The following SPAG17 variants were observed in gnomAD, a reference collection of about 807,000 sequenced individuals.
SPAG17 encodes sperm associated antigen 17.
A neutral mutation model predicts 273.6 loss-of-function variants in SPAG17; 169 were observed. The ratio of observed to expected loss-of-function variants is 0.62; its 90% CI spans 0.55 to 0.70. The LOEUF is 0.70. SPAG17 is among the 30% of genes least tolerant of loss of function. The probability of loss-of-function intolerance (pLI) is 0.00; values close to 1 mark genes in which losing one functional copy is unlikely to be tolerated. For missense variants in SPAG17, 2,557 were observed against 2,627.8 expected, an observed-to-expected ratio of 0.97 and a Z score of 0.59; for synonymous variants, 825 against 873.2, an observed-to-expected ratio of 0.94 and a Z score of 0.97.
At chr1:118,003,052 C>A (rs1658484702) in intron 32 of SPAG17, among the ~76,000 whole-genome samples, 1 of 152,188 alleles carries the variant, frequency 6.6e-6, no homozygotes, top group African/African-American at 2.4e-5. Flanking sequence ...ATTTGCTTGT[C>A]TGTAAAGGAT....
chr1:118,114,210 G>A (rs977894450), intron 4 of SPAG17, among the ~76,000 whole-genome samples: 1 of 152,006 alleles, frequency 6.6e-6, no homozygotes, highest in African/African-American at 2.4e-5. Flanking sequence ...CCCCCAACAC[G>A]ATGGAAAGAG....
intron 39 of SPAG17, 37 bp from the exon 40 acceptor site, chr1:117,987,918 C>T (rs746590412): frequency 6.2e-7 from 1 of 1,609,072 alleles, no homozygotes; most frequent in South Asian, 1.1e-5. Context: ...TGAAAAGGGG[C>T]AATGATTTCA....
At chr1:117,970,150 CAT>C in intron 45 of SPAG17, 34 bp from the exon 46 acceptor site, 1 of 1,590,264 alleles carries the variant, frequency 6.3e-7, no homozygotes, top group South Asian at 1.1e-5. Context: ...AAATTTATGA[CAT>C]AATGAAACCC....
chr1:117,980,522 G>A lies in SPAG17; in HGVS notation c.6004+748C>T, dbSNP rs184182530. On this transcript the variant is annotated intron_variant, in intron 43 of 48. Transcript: ENST00000336338. ...GCTGGGATTACAGGCATGAGCCACA[G>A]TGCCTGGCCAGGTAAATCTTTTAAT... 9.8e-5 allele frequency among the ~76,000 whole-genome samples: 15 copies of A among 152,310 alleles called. No individual in the cohort carries two copies. The East Asian group carries it at 1.5e-3, about 16-fold the overall frequency.
chr1:118,015,588 GA>G (rs971278664), intron 29 of SPAG17, among the ~76,000 whole-genome samples: 4 of 152,078 alleles, frequency 2.6e-5, no homozygotes, highest in South Asian at 2.1e-4. Context: ...CTCACTTCCA[GA>G]AGATAAGACA....
At chr1:118,143,208 T>C (rs1177690059) in intron 3 of SPAG17, among the ~76,000 whole-genome samples, 1 of 152,236 alleles carries the variant, frequency 6.6e-6, no homozygotes, top group East Asian at 1.9e-4. Flanking sequence ...CTGAGAGATT[T>C]AAAGCTTAAT....
At chr1:118,080,866 G>A (rs1010694875) in intron 15 of SPAG17, among the ~76,000 whole-genome samples, 3 of 152,132 alleles carry the variant, frequency 2.0e-5, no homozygotes, top group Non-Finnish European at 4.4e-5. Flanking sequence ...TTTTAATGAT[G>A]TTTGCTGTGC....
intron 20 of SPAG17, among the ~76,000 whole-genome samples, chr1:118,045,142 A>C (rs1376377606): frequency 1.3e-5 from 2 of 152,210 alleles, no homozygotes; most frequent in Admixed American, 6.5e-5. Context: ...TTTGGTCATC[A>C]TTCCTGGCTA....
intron 13 of SPAG17, among the ~76,000 whole-genome samples, chr1:118,083,462 G>A (rs1347054269): frequency 6.6e-6 from 1 of 152,134 alleles, no homozygotes; most frequent in Non-Finnish European, 1.5e-5. Flanking sequence ...GTAGTGAGGA[G>A]TATGGTGGGA....
intron 3 of SPAG17, among the ~76,000 whole-genome samples, chr1:118,118,582 G>T (rs1273400352): frequency 6.6e-6 from 1 of 152,178 alleles, no homozygotes. Context: ...TTATTAAAAT[G>T]GAGAAAAATG....
chr1:117,970,495 G>C (rs977945088), intron 45 of SPAG17, among the ~76,000 whole-genome samples: 2 of 152,320 alleles, frequency 1.3e-5, no homozygotes, highest in African/African-American at 4.8e-5. Flanking sequence ...GGCTCTTTTG[G>C]AAGGCAGTGG....
chr1:118,099,269 AAC>A (rs1655908057), intron 6 of SPAG17, among the ~76,000 whole-genome samples: 1 of 152,194 alleles, frequency 6.6e-6, no homozygotes, highest in Non-Finnish European at 1.5e-5. Flanking sequence ...ACAGATTATT[AAC>A]AGTGATTCAT....
At chr1:117,975,291 C>G (rs1460030973) in intron 43 of SPAG17, among the ~76,000 whole-genome samples, 1 of 152,144 alleles carries the variant, frequency 6.6e-6, no homozygotes, top group Non-Finnish European at 1.5e-5. Flanking sequence ...AGCCAAATGC[C>G]CCTGGGCTAG....
intron 40 of SPAG17, among the ~76,000 whole-genome samples, chr1:117,987,106 T>C (rs1416166695): frequency 1.3e-5 from 2 of 152,172 alleles, no homozygotes; most frequent in Non-Finnish European, 2.9e-5. Context: ...AAACCTAGCA[T>C]AAAGACACTC....
intron 10 of SPAG17, among the ~76,000 whole-genome samples, chr1:118,088,924 T>C (rs1003383134): frequency 2.0e-5 from 3 of 152,196 alleles, no homozygotes; most frequent in African/African-American, 7.2e-5. Context: ...TCTTAGAATC[T>C]TCTGAATTTA....
At chr1:118,019,479 T>C (rs1283093230) in intron 28 of SPAG17, among the ~76,000 whole-genome samples, 2 of 151,212 alleles carry the variant, frequency 1.3e-5, no homozygotes, top group Admixed American at 1.3e-4. Context: ...AAAAAATAAA[T>C]AAAAGTTCAA....
Position 117,994,450 on chromosome 1 carries a change from G to A in SPAG17, c.5134C>T (p.Pro1712Ser), listed in dbSNP as rs747622919. 1.2e-6 allele frequency: 2 copies of A among 1,612,844 alleles called. No individual in the cohort carries two copies. The highest frequency in any genetic ancestry group is 4.5e-5 in the East Asian group (2 of 44,848). Residue 1712 changes from proline to serine, a missense_variant, in exon 35 of 49, where the codon CCT becomes TCT. Physicochemically the swap from Pro to Ser is moderately conservative, Grantham distance 74. Coordinates refer to ENST00000336338, the MANE Select transcript of SPAG17 (RefSeq NM_206996.4). ...QVKKEDTIVPPNLRSRSWETF... is the reference protein window; with the variant it reads ...QVKKEDTIVPSNLRSRSWETF... ...TCCCATGACCTTGACCGGAGATTAG[G>A]AGGGACAATTGTATCTTCCTTTTTT... is the stretch of plus-strand genomic sequence containing the variant.
At chr1:118,112,827 A>G (rs1435222862) in intron 4 of SPAG17, among the ~76,000 whole-genome samples, 1 of 152,170 alleles carries the variant, frequency 6.6e-6, no homozygotes, top group Non-Finnish European at 1.5e-5. Context: ...AGAAAGCAAA[A>G]GCAATGTTAA....
intron 18 of SPAG17, among the ~76,000 whole-genome samples, chr1:118,060,663 T>C (rs10923484): frequency 0.063 from 9,626 of 152,270 alleles, 519 homozygotes; most frequent in East Asian, 0.31. Flanking sequence ...TTAGTGTTTT[T>C]CATTTCAACT....
Sources: allele counts gnomAD v4.1 joint callset (sites outside exome capture counted in the v4.1 genomes callset), GRCh38; gene constraint gnomAD v4.1.1; transcripts MANE v1.5; gene names NCBI Gene and HGNC (gene_info 2026-07-23, HGNC 2026-07-21).